Variants in MTMR1 observed in about 807,000 individuals in gnomAD.
MTMR1 encodes phosphatidylinositol-3-phosphate phosphatase MTMR1.
Under a neutral mutation model 51.6 loss-of-function variants are expected in MTMR1, and 17 were observed. The observed-to-expected ratio is 0.33, with a 90% confidence interval of 0.23 to 0.49. MTMR1 has a LOEUF of 0.49. Among genes scored for constraint, MTMR1 ranks in the 20% least tolerant of loss-of-function variants. The probability of loss-of-function intolerance (pLI) is 0.99; values close to 1 mark genes in which losing one functional copy is unlikely to be tolerated. For synonymous variants in MTMR1, 201 were observed against 205.6 expected, an observed-to-expected ratio of 0.98 and a Z score of 0.19; for missense variants, 386 against 526.9, an observed-to-expected ratio of 0.73 and a Z score of 2.62.
chrX:150,697,113 CATT>C (rs2040706164), intron 1 of MTMR1, among the ~76,000 whole-genome samples: 2 of 112,126 alleles, frequency 1.8e-5, no homozygotes, highest in South Asian at 7.4e-4. Flanking sequence ...CAGAAAAAGG[CATT>C]ATGACAAGAA....
rs2042150090 is a variant in MTMR1, at chrX:150,732,561, C to T, written c.911C>T (p.Pro304Leu). ...CACTAGGTGTTGTCATGGATTCATC[C>T]GGAAAGTCAAGCAACGATTACCCGT... ...GRVPVLSWIH[P>L]ESQATITRCS... Residue 304 changes from proline (P) to leucine (L), a missense_variant, in exon 10 of 16, where the codon CCG becomes CTG. Transcript: ENST00000445323. The T allele has an allele frequency of 2.5e-6, 3 of 1,207,881 alleles. No individual in the cohort carries two copies. The highest frequency in any genetic ancestry group is 3.4e-6 in the Non-Finnish European group (3 of 893,548).
chrX:150,723,988 G>A (rs187113239), intron 4 of MTMR1, among the ~76,000 whole-genome samples: 91 of 112,323 alleles, frequency 8.1e-4, no homozygotes, highest in African/African-American at 2.8e-3. Flanking sequence ...GCATTGATGG[G>A]CATTTAGATT....
At chrX:150,698,674 G>GCACACACACACACACACA (rs1264680068) in intron 1 of MTMR1, among the ~76,000 whole-genome samples, 1 of 61,212 alleles carries the variant, frequency 1.6e-5, no homozygotes, top group African/African-American at 7.1e-5. Context: ...CTGTCTACAC[G>GCACACACACACACACACA]CGCGCGCACA....
chrX:150,716,975 T>C (rs2041541579), intron 3 of MTMR1, among the ~76,000 whole-genome samples: 1 of 111,950 alleles, frequency 8.9e-6, no homozygotes, highest in Non-Finnish European at 1.9e-5. Context: ...GAAAAAGCAG[T>C]CCCGATCAAA....
intron 2 of MTMR1, among the ~76,000 whole-genome samples, chrX:150,704,511 G>C (rs1250248084): frequency 8.9e-6 from 1 of 111,833 alleles, no homozygotes; most frequent in Non-Finnish European, 1.9e-5. Flanking sequence ...TTGGTAGGCA[G>C]GTTGCCCCTT....
rs1414738220 is a variant in MTMR1 at position 150,736,746 on chromosome X, A to G, written c.1232A>G (p.Asn411Ser). Reference protein sequence around the residue: ...PSIDEARWLSNVDGTHWLEYI... With the variant: ...PSIDEARWLSSVDGTHWLEYI... ...ATCGATGAGGCGCGGTGGCTCTCCA[A>G]TGTGGATGGGACGCATTGGCTGGAA... The change falls in exon 11 of 16, where the codon AAT (asparagine) becomes AGT (serine). Residue 411 changes from asparagine (N) to serine (S), a missense_variant. Coordinates refer to ENST00000445323, the MANE Select transcript of MTMR1 (RefSeq NM_001306144.3). 1 of 1,208,714 alleles carries G rather than the reference A, an allele frequency of 8.3e-7. No individual in the cohort carries two copies. Among genetic ancestry groups the G allele is most frequent in the Admixed American group, 2.2e-5 (1 of 45,630 alleles).
chrX:150,760,886 C>T (rs1249823432), intron 15 of MTMR1, among the ~76,000 whole-genome samples: 1 of 105,909 alleles, frequency 9.4e-6, no homozygotes, highest in South Asian at 4.3e-4. Context: ...GAGATCGTGC[C>T]GCTGCACTCC....
chrX:150,708,851 T>C (rs2041209405), intron 2 of MTMR1, among the ~76,000 whole-genome samples: 1 of 111,615 alleles, frequency 9.0e-6, no homozygotes, highest in African/African-American at 3.3e-5. Context: ...AAGAGGAGAC[T>C]AAGATTCCAA....
At chrX:150,706,957 AT>A (rs1332683904) in intron 2 of MTMR1, among the ~76,000 whole-genome samples, 6 of 108,006 alleles carry the variant, frequency 5.6e-5, no homozygotes, top group Middle Eastern at 4.8e-3. Flanking sequence ...TGCTCAGCCG[AT>A]TTTTTTTTTC....
At chrX:150,698,678 GCGCACACACACACACA>G (rs2040783839) in intron 1 of MTMR1, among the ~76,000 whole-genome samples, 1 of 70,796 alleles carries the variant, frequency 1.4e-5, no homozygotes, top group African/African-American at 5.2e-5. Context: ...CTACACGCGC[GCGCACACACACACACA>G]CACACACACA....
In MTMR1 at chrX:150,764,198, A is replaced by ATTAT. The variant is rs1184479144; in HGVS notation, c.*1472_*1475dup. On this transcript the variant is annotated 3_prime_UTR_variant, in exon 16 of 16. Coordinates refer to ENST00000445323, the MANE Select transcript of MTMR1 (RefSeq NM_001306144.3). ...AGGCAAAGGCCTACAGATTGACCTT[A>ATTAT]TTATTTTTGAAAATATGTTAAGGGT... 2.7e-5 allele frequency: 3 copies of ATTAT among 112,722 alleles called. No individual in the cohort carries two copies. The highest frequency in any genetic ancestry group is 5.6e-5 in the Non-Finnish European group (3 of 53,371). 9.3% of individuals were successfully genotyped at this position (112,722 alleles called of 1,213,427 possible).
intron 6 of MTMR1, among the ~76,000 whole-genome samples, chrX:150,728,542 A>G (rs148501409): frequency 8.9e-6 from 1 of 112,176 alleles, no homozygotes; most frequent in East Asian, 2.8e-4. Flanking sequence ...TTTCTTGGCT[A>G]TCTTGGAATT....
At chrX:150,761,173 G>A (rs17319097) in intron 15 of MTMR1, among the ~76,000 whole-genome samples, 2,135 of 110,900 alleles carry the variant, frequency 0.019, 18 homozygotes, top group Non-Finnish European at 0.029. Context: ...ACAGGAAAAC[G>A]CATGCCAGAT....
Position 150,732,036 on chromosome X carries a change from G to C in MTMR1, c.891+417G>C, listed in dbSNP as rs141463377. ...ATCATTACAGAAGTAGTAGCAGACAGCTGGGAGTAATGGTTTGAGCCCAGA... is the reference window on the plus strand; with the variant it reads ...ATCATTACAGAAGTAGTAGCAGACACCTGGGAGTAATGGTTTGAGCCCAGA... On this transcript the variant is annotated intron_variant, in intron 9 of 15. Coordinates refer to ENST00000445323, the MANE Select transcript of MTMR1 (RefSeq NM_001306144.3). 7.1e-3 allele frequency among the ~76,000 whole-genome samples: 796 copies of C among 111,815 alleles called. 8 individuals are homozygous for C. Among genetic ancestry groups the C allele is most frequent in the African/African-American group, 0.024 (732 of 30,772 alleles).
At chrX:150,761,514 C>T (rs1343847400) in intron 15 of MTMR1, among the ~76,000 whole-genome samples, 1 of 112,883 alleles carries the variant, frequency 8.9e-6, no homozygotes, top group Non-Finnish European at 1.9e-5. Flanking sequence ...CAGGCTGGGG[C>T]CAGACTGCAG....
At chrX:150,757,833 C>T (rs898368556) in intron 15 of MTMR1, among the ~76,000 whole-genome samples, 3 of 111,737 alleles carry the variant, frequency 2.7e-5, no homozygotes, top group African/African-American at 3.3e-5. Flanking sequence ...CGCCCTCTTC[C>T]CTGCTCACCT....
chrX:150,730,265 C>A, intron 7 of MTMR1, 55 bp downstream of exon 7: 1 of 854,782 alleles, frequency 1.2e-6, no homozygotes, highest in Non-Finnish European at 1.6e-6. Context: ...TCCAAATATC[C>A]TATGTTTAAT....
intron 14 of MTMR1, chrX:150,751,077 A>G (rs2042717626): frequency 8.9e-7 from 1 of 1,127,239 alleles, no homozygotes; most frequent in African/African-American, 1.8e-5. Context: ...TCAGGAGTAG[A>G]TGAGTGCTAG....
intron 2 of MTMR1, among the ~76,000 whole-genome samples, chrX:150,700,732 AGCAGAG>A (rs1316715084): frequency 1.8e-5 from 2 of 112,634 alleles, no homozygotes; most frequent in Non-Finnish European, 3.8e-5. Flanking sequence ...AACCCATTTT[AGCAGAG>A]AATAGCTCTC....
Sources: gnomAD v4.1 joint callset for allele counts (sites outside exome capture counted in the v4.1 genomes callset) on GRCh38, gnomAD v4.1.1 for gene constraint, MANE v1.5 for transcripts, NCBI Gene and HGNC (gene_info 2026-07-23, HGNC 2026-07-21) for gene names.